Variants in MALRD1 observed in about 807,000 individuals in gnomAD.
MALRD1 encodes MAM and LDL receptor class A domain containing 1, also known as MAM and LDL-receptor class A domain-containing protein 1.
MALRD1 carries 247 observed loss-of-function variants against 242.1 expected under a neutral mutation model. That is an observed-to-expected ratio of 1.02 (90% confidence interval 0.92 to 1.13). MALRD1 has a LOEUF of 1.13. Among genes scored for constraint, MALRD1 ranks in the 50% most tolerant of loss-of-function variants. The probability of loss-of-function intolerance (pLI) is 0.00; values close to 1 mark genes in which losing one functional copy is unlikely to be tolerated. For missense variants in MALRD1, 2,989 were observed against 2,533.1 expected, an observed-to-expected ratio of 1.18 and a Z score of -3.86; for synonymous variants, 995 against 866.6, an observed-to-expected ratio of 1.15 and a Z score of -2.60.
At chr10:19,144,802 T>C (rs1290452413) in intron 10 of MALRD1, among the ~76,000 whole-genome samples, 1 of 150,564 alleles carries the variant, frequency 6.6e-6, no homozygotes, top group Non-Finnish European at 1.5e-5. Context: ...TTTTCTCTTT[T>C]AGGAAATGGT....
chr10:19,365,677 A>C lies in MALRD1; in HGVS notation c.4441+13380A>C, dbSNP rs927479523. Among the ~76,000 whole-genome samples, 238 of 73,218 alleles carry C rather than the reference A, an allele frequency of 3.3e-3. 1 individual carries two copies. The highest frequency in any genetic ancestry group is 0.012 in the African/African-American group (224 of 19,460). 48.0% of individuals were successfully genotyped at this position (73,218 alleles called of 152,430 possible). On this transcript the variant is annotated intron_variant, in intron 26 of 39. Transcript: ENST00000454679. The stretch of plus-strand genomic sequence containing the variant: ...TAAATTCTAAAAAAAAAAAAAAAAA[A>C]AAAAAAAAAAACAAGCTACTATGTT...
At chr10:19,157,218 G>A (rs1432549441) in intron 12 of MALRD1, among the ~76,000 whole-genome samples, 1 of 150,906 alleles carries the variant, frequency 6.6e-6, no homozygotes, top group Non-Finnish European at 1.5e-5. Flanking sequence ...ACTATAATAT[G>A]AATTTTTTTA....
chr10:19,354,423 G>A (rs1429818034), intron 26 of MALRD1, among the ~76,000 whole-genome samples: 1 of 151,956 alleles, frequency 6.6e-6, no homozygotes, highest in Non-Finnish European at 1.5e-5. Flanking sequence ...CTAAATACCA[G>A]GAGAAATATT....
In MALRD1 at chr10:19,217,012, C is replaced by T. The variant is rs192370639; in HGVS notation, c.2991+7332C>T. Among the ~76,000 whole-genome samples, 417 of 151,954 alleles carry T rather than the reference C, an allele frequency of 2.7e-3. 3 individuals carry two copies. The highest frequency in any genetic ancestry group is 9.6e-3 in the African/African-American group (398 of 41,484). On this transcript the variant is annotated intron_variant, in intron 18 of 39. Coordinates refer to ENST00000454679, the MANE Select transcript of MALRD1 (RefSeq NM_001142308.3). Reference sequence around the variant, plus strand: ...ATGTGGAGAGGCCAAACCAATGGCTCTTATATACACGTTCTTTCTTCTAAA... The same window carrying T: ...ATGTGGAGAGGCCAAACCAATGGCTTTTATATACACGTTCTTTCTTCTAAA...
At chr10:19,367,034 T>C (rs1032777862) in intron 26 of MALRD1, among the ~76,000 whole-genome samples, 3 of 152,210 alleles carry the variant, frequency 2.0e-5, no homozygotes, top group Admixed American at 6.6e-5. Flanking sequence ...TACATAGTGA[T>C]ACTGTAATAC....
intron 5 of MALRD1, among the ~76,000 whole-genome samples, chr10:19,120,561 T>C (rs1837024941): frequency 6.6e-6 from 1 of 152,136 alleles, no homozygotes; most frequent in African/African-American, 2.4e-5. Flanking sequence ...ATTCCATTTA[T>C]GTGAAATAGC....
chr10:19,217,671 C>A (rs1393366131), intron 18 of MALRD1, among the ~76,000 whole-genome samples: 1 of 151,798 alleles, frequency 6.6e-6, no homozygotes, highest in African/African-American at 2.4e-5. Flanking sequence ...TAACTACAGG[C>A]GTGCACCATC....
At chr10:19,103,327 C>T (rs1355197015) in intron 4 of MALRD1, among the ~76,000 whole-genome samples, 3 of 151,752 alleles carry the variant, frequency 2.0e-5, no homozygotes, top group East Asian at 3.9e-4. Context: ...TTTGGGAGGC[C>T]GAGGCGGGCA....
rs138545737 is a variant in MALRD1 at position 19,445,654 on chromosome 10, G to A, written c.4846-4653G>A. Among the ~76,000 whole-genome samples the A allele has an allele frequency of 5.5e-3, 844 of 152,294 alleles. 16 individuals carry two copies. The highest frequency in any genetic ancestry group is 0.043 in the East Asian group (222 of 5,170). ...GAATGGCAAATGGTGCTGCCTGATC[G>A]TTCCTCTGGAATCTTTGTCTCAGAG... On this transcript the variant is annotated intron_variant, in intron 28 of 39. Coordinates refer to ENST00000454679, the MANE Select transcript of MALRD1 (RefSeq NM_001142308.3).
intron 28 of MALRD1, among the ~76,000 whole-genome samples, chr10:19,399,064 C>T (rs1846712520): frequency 1.3e-5 from 2 of 152,096 alleles, no homozygotes; most frequent in African/African-American, 4.8e-5. Context: ...ACATTGTCAT[C>T]TTAGGTATTA....
intron 18 of MALRD1, among the ~76,000 whole-genome samples, chr10:19,213,288 GT>G (rs1837156214): frequency 2.0e-5 from 3 of 152,040 alleles, no homozygotes. Context: ...AAAATTTATT[GT>G]CTCTCTATAT....
chr10:19,491,217 C>T (rs975466811), intron 29 of MALRD1: 1 of 601,070 alleles, frequency 1.7e-6, no homozygotes, highest in Non-Finnish European at 2.9e-6. Flanking sequence ...ATACCCTTTA[C>T]CAGGTTCCAG....
intron 28 of MALRD1, among the ~76,000 whole-genome samples, chr10:19,430,575 A>G (rs1415767555): frequency 1.3e-5 from 2 of 152,132 alleles, no homozygotes; most frequent in Non-Finnish European, 2.9e-5. Context: ...ATATAATAAA[A>G]TTTGCTCACA....
At chr10:19,491,960 A>G (rs567265610) in intron 30 of MALRD1, among the ~76,000 whole-genome samples, 2 of 151,678 alleles carry the variant, frequency 1.3e-5, no homozygotes, top group Admixed American at 1.3e-4. Flanking sequence ...TAGGAACTGC[A>G]GTAGCAATCT....
chr10:19,710,012 A>G (rs867724559), intron 38 of MALRD1, among the ~76,000 whole-genome samples: 5 of 152,134 alleles, frequency 3.3e-5, no homozygotes, highest in Admixed American at 6.5e-5. Flanking sequence ...GAGGGAGAAG[A>G]TCACTTGAGC....
Position 19,318,815 on chromosome 10 carries a change from G to A in MALRD1, c.3420-5134G>A, listed in dbSNP as rs188318983. Among the ~76,000 whole-genome samples, 220 of 151,848 alleles carry A rather than the reference G, an allele frequency of 1.4e-3. 2 individuals are homozygous for A. Among genetic ancestry groups the A allele is most frequent in the African/African-American group, 5.2e-3 (217 of 41,416 alleles). ...AATTTTAAATTCACTTGGTTATTTT[G>A]CCTATTTTGTAGGTCTGCTAGACCC... On this transcript the variant is annotated intron_variant, in intron 21 of 39. Coordinates refer to ENST00000454679, the MANE Select transcript of MALRD1 (RefSeq NM_001142308.3).
intron 23 of MALRD1, among the ~76,000 whole-genome samples, chr10:19,328,210 G>A (rs893730021): frequency 2.0e-5 from 3 of 152,074 alleles, no homozygotes; most frequent in Admixed American, 6.6e-5. Context: ...GTACTAGTAC[G>A]AAGATGAAAA....
chr10:19,595,010 C>T (rs190166893), intron 33 of MALRD1, among the ~76,000 whole-genome samples, 184 bp from the exon 34 acceptor site: 2 of 152,218 alleles, frequency 1.3e-5, no homozygotes, highest in East Asian at 3.9e-4. Flanking sequence ...ATGTTCCTGA[C>T]ATTATGATAA....
chr10:19,050,470 G>A (rs1448085625), intron 1 of MALRD1, among the ~76,000 whole-genome samples: 1 of 151,886 alleles, frequency 6.6e-6, no homozygotes. Flanking sequence ...CTACATATTT[G>A]ATTTTGCCAT....
Sources: allele counts gnomAD v4.1 joint callset (sites outside exome capture counted in the v4.1 genomes callset), GRCh38; gene constraint gnomAD v4.1.1; transcripts MANE v1.5; gene names NCBI Gene and HGNC (gene_info 2026-07-23, HGNC 2026-07-21).